Variants in RGS6 observed in about 807,000 individuals in gnomAD.
RGS6 encodes regulator of G protein signaling 6.
A neutral mutation model predicts 78.5 loss-of-function variants in RGS6; 30 were observed. That is an observed-to-expected ratio of 0.38 (90% CI 0.29 to 0.52). The LOEUF is 0.52. RGS6 is among the 20% of genes least tolerant of loss of function. The pLI, the probability that RGS6 is intolerant of heterozygous loss-of-function variation, is 0.85. For missense variants in RGS6, 495 were observed against 609.7 expected (o/e 0.81, Z 1.98); for synonymous variants, 206 against 206.0 (o/e 1.00, Z 0.00).
At chr14:72,127,734 A>G (rs922897916) in intron 2 of RGS6, among the ~76,000 whole-genome samples, 4 of 152,188 alleles carry the variant, frequency 2.6e-5, no homozygotes, top group African/African-American at 9.6e-5. Context: ...CTATAGTACA[A>G]TATCCCAACC....
intron 1 of RGS6, among the ~76,000 whole-genome samples, chr14:71,960,230 A>T (rs1321588019): frequency 6.6e-6 from 1 of 152,216 alleles, no homozygotes; most frequent in African/African-American, 2.4e-5. Context: ...TATTATGCAT[A>T]GAGCATCCCC....
chr14:72,402,592 A>G (rs2092534014), intron 3 of RGS6, among the ~76,000 whole-genome samples: 1 of 152,136 alleles, frequency 6.6e-6, no homozygotes, highest in African/African-American at 2.4e-5. Flanking sequence ...ATGATCAAAA[A>G]GACAAAAAAT....
chr14:72,465,662 G>GGATGGATGGA (rs1566914645), intron 6 of RGS6, 96 bp from the exon 7 acceptor site: 19 of 443,008 alleles, frequency 4.3e-5, no homozygotes, highest in African/African-American at 2.4e-4. Context: ...GGATGGATGG[G>GGATGGATGGA]TGAATGGGTG....
rs567931100 is a variant in RGS6 at position 72,326,301 on chromosome 14, G to A, written c.85-25794G>A. Among the ~76,000 whole-genome samples, 47 of 152,304 alleles carry A rather than the reference G, an allele frequency of 3.1e-4. 1 individual carries two copies. The South Asian group carries it at 9.8e-3, about 32-fold the overall frequency. On this transcript the variant is annotated intron_variant, in intron 2 of 17. Coordinates refer to ENST00000553525, the MANE Select transcript of RGS6 (RefSeq NM_001204424.2). ...TTACCATTATTGTAAAATGGCAATAGTAATAATTATTATATAAATATATGC... is the reference window on the plus strand; with the variant it reads ...TTACCATTATTGTAAAATGGCAATAATAATAATTATTATATAAATATATGC...
At chr14:72,504,410 T>C (rs2096769198) in intron 13 of RGS6, among the ~76,000 whole-genome samples, 1 of 152,200 alleles carries the variant, frequency 6.6e-6, no homozygotes, top group Admixed American at 6.5e-5. Flanking sequence ...ATATTTAATT[T>C]CGTTGCTTGC....
chr14:72,166,248 T>C (rs1426551863), intron 2 of RGS6, among the ~76,000 whole-genome samples: 4 of 152,184 alleles, frequency 2.6e-5, no homozygotes, highest in Non-Finnish European at 5.9e-5. Context: ...AGTTGCAGTT[T>C]TGTTTTACTA....
chr14:72,541,718 C>G, intron 17 of RGS6: 2 of 1,335,660 alleles, frequency 1.5e-6, no homozygotes, highest in Non-Finnish European at 2.0e-6. Context: ...CCAAGGGTGC[C>G]TGTGTAAGCA....
At chr14:72,437,089 G>A (rs1466827091) in intron 3 of RGS6, among the ~76,000 whole-genome samples, 2 of 150,914 alleles carry the variant, frequency 1.3e-5, no homozygotes, top group African/African-American at 4.9e-5. Context: ...GGGAGGCCAA[G>A]GTGGGGGGAA....
intron 2 of RGS6, among the ~76,000 whole-genome samples, chr14:71,996,474 CT>C (rs1345945184): frequency 6.6e-6 from 1 of 151,906 alleles, no homozygotes; most frequent in Non-Finnish European, 1.5e-5. Context: ...GTGGGTGGAG[CT>C]GGGGGATTAC....
Position 72,562,779 on chromosome 14 carries a change from G to T in RGS6, c.*312G>T, listed in dbSNP as rs1460374081. On this transcript the variant is annotated 3_prime_UTR_variant, in exon 18 of 18. Coordinates refer to ENST00000553525, the MANE Select transcript of RGS6 (RefSeq NM_001204424.2). ...CAGCTCATTCAGGGGAGAACACGTC[G>T]TGGGGTTCCTGTCACGACTATCACT... The T allele has an allele frequency of 4.0e-6, 6 of 1,518,348 alleles. No individual in the cohort carries two copies. The highest frequency in any genetic ancestry group is 2.7e-5 in the African/African-American group (2 of 72,742). 94.1% of individuals were successfully genotyped at this position (1,518,348 alleles called of 1,614,324 possible). A position where few individuals can be genotyped will look rare whatever the true frequency, so the allele number is the denominator to read the frequency against.
intron 1 of RGS6, among the ~76,000 whole-genome samples, chr14:71,958,752 G>C (rs1402918334): frequency 1.3e-5 from 2 of 152,154 alleles, no homozygotes. Flanking sequence ...TGGAATCTAG[G>C]TCAGCGGTTT....
In RGS6 at chr14:72,192,303, C is replaced by T. The variant is rs117375825; in HGVS notation, c.85-159792C>T. ...TTCGGGCAAGTAGATTAGGTTATAT[C>T]GTTATCTCTGTTTATAGCTGTCTCA... On this transcript the variant is annotated intron_variant, in intron 2 of 17. Coordinates refer to ENST00000553525, the MANE Select transcript of RGS6 (RefSeq NM_001204424.2). 1.2e-4 allele frequency among the ~76,000 whole-genome samples: 19 copies of T among 152,248 alleles called. 1 individual carries two copies. In the East Asian group the frequency reaches 3.3e-3, roughly 26 times the overall value.
intron 2 of RGS6, among the ~76,000 whole-genome samples, chr14:72,329,434 C>T (rs1251524369): frequency 1.3e-5 from 2 of 152,264 alleles, no homozygotes; most frequent in African/African-American, 4.8e-5. Context: ...ATCACCTGCT[C>T]AGAGGGAGTG....
At chr14:72,481,950 A>C (rs1286796244) in intron 12 of RGS6, among the ~76,000 whole-genome samples, 1 of 151,700 alleles carries the variant, frequency 6.6e-6, no homozygotes. Flanking sequence ...CTGGGATTAC[A>C]GGCACCTGCC....
At chr14:72,278,229 T>G (rs556032573) in intron 2 of RGS6, among the ~76,000 whole-genome samples, 62 of 152,190 alleles carry the variant, frequency 4.1e-4, no homozygotes, top group Non-Finnish European at 7.3e-4. Flanking sequence ...GATTCCTGAA[T>G]TTTCAAAACA....
At chr14:72,011,191 T>C (rs1270023583) in intron 2 of RGS6, among the ~76,000 whole-genome samples, 2 of 152,210 alleles carry the variant, frequency 1.3e-5, no homozygotes, top group East Asian at 1.9e-4. Flanking sequence ...CCCAGGGTGA[T>C]CTAATAGAAG....
chr14:72,074,113 A>T (rs1237632691), intron 2 of RGS6, among the ~76,000 whole-genome samples: 2 of 152,212 alleles, frequency 1.3e-5, no homozygotes. Flanking sequence ...TTTGCAGAGG[A>T]ATGACTGACA....
chr14:72,401,157 C>T (rs571361911), intron 3 of RGS6, among the ~76,000 whole-genome samples: 2 of 152,174 alleles, frequency 1.3e-5, no homozygotes, highest in South Asian at 4.2e-4. Flanking sequence ...CCAAGTCTAC[C>T]TCCTTAAAAT....
At chr14:72,033,017 C>T (rs890402607) in intron 2 of RGS6, among the ~76,000 whole-genome samples, 2 of 152,080 alleles carry the variant, frequency 1.3e-5, no homozygotes, top group Admixed American at 1.3e-4. Context: ...TCAGTTGAAA[C>T]TATCATAAGG....
Sources: gnomAD v4.1 joint callset for allele counts (sites outside exome capture counted in the v4.1 genomes callset) on GRCh38, gnomAD v4.1.1 for gene constraint, MANE v1.5 for transcripts, NCBI Gene and HGNC (gene_info 2026-07-23, HGNC 2026-07-21) for gene names.